ADCY2: variants seen among roughly 807,000 people sequenced by gnomAD.
The protein encoded by ADCY2 is adenylate cyclase type 2.
ADCY2 carries 31 observed loss-of-function variants against 125.2 expected under a neutral mutation model. The ratio of observed to expected loss-of-function variants is 0.25; its 90% CI spans 0.19 to 0.33. The LOEUF is 0.33. Among genes scored for constraint, ADCY2 ranks in the 10% least tolerant of loss-of-function variants. ADCY2 has a pLI of 1.00. For missense variants in ADCY2, 904 were observed against 1,418.2 expected, an observed-to-expected ratio of 0.64 and a Z score of 5.82; for synonymous variants, 512 against 548.4, an observed-to-expected ratio of 0.93 and a Z score of 0.93.
intron 3 of ADCY2, among the ~76,000 whole-genome samples, chr5:7,540,200 G>A (rs1734949822): frequency 6.6e-6 from 1 of 152,084 alleles, no homozygotes; most frequent in Non-Finnish European, 1.5e-5. Context: ...TTGAGAGGAA[G>A]GAGAGGATCA....
intron 2 of ADCY2, among the ~76,000 whole-genome samples, chr5:7,486,516 C>T (rs1411572602): frequency 6.6e-6 from 1 of 152,174 alleles, no homozygotes; most frequent in African/African-American, 2.4e-5. Context: ...GCAACACCCG[C>T]TCTTTGCAGT....
intron 2 of ADCY2, among the ~76,000 whole-genome samples, chr5:7,464,915 T>C (rs1742047349): frequency 6.6e-6 from 1 of 152,190 alleles, no homozygotes; most frequent in South Asian, 2.1e-4. Flanking sequence ...TGGGTAATTT[T>C]TAATGGACCC....
chr5:7,797,051 G>C (rs1383960042), intron 20 of ADCY2: 3 of 152,230 alleles, frequency 2.0e-5, no homozygotes, highest in African/African-American at 7.2e-5. Flanking sequence ...CTTTCTGCTG[G>C]TGAGAACCCT....
chr5:7,817,030 A>T (rs1420557159), intron 23 of ADCY2, 50 bp downstream of exon 23: 2 of 1,396,596 alleles, frequency 1.4e-6, no homozygotes. Flanking sequence ...AAGATGTGGA[A>T]TAAGGAGTAA....
At chr5:7,580,081 A>C (rs753259793) in intron 3 of ADCY2, among the ~76,000 whole-genome samples, 50 of 152,164 alleles carry the variant, frequency 3.3e-4, no homozygotes, top group Non-Finnish European at 6.3e-4. Context: ...CATTGAATAA[A>C]GACCCTAGGA....
intron 3 of ADCY2, among the ~76,000 whole-genome samples, chr5:7,536,928 G>A (rs558939641): frequency 3.9e-5 from 6 of 152,194 alleles, no homozygotes; most frequent in African/African-American, 9.6e-5. Flanking sequence ...AAGGTTTCAC[G>A]TTGATCTAAC....
chr5:7,646,963 G>A (rs1235794967), intron 4 of ADCY2, among the ~76,000 whole-genome samples: 6 of 152,188 alleles, frequency 3.9e-5, no homozygotes, highest in Middle Eastern at 3.4e-3. Context: ...GCCTGCGTTC[G>A]CTGCCCCATG....
chr5:7,438,421 G>A (rs1206300659), intron 2 of ADCY2, among the ~76,000 whole-genome samples: 1 of 152,228 alleles, frequency 6.6e-6, no homozygotes, highest in East Asian at 1.9e-4. Context: ...AGAAGATGGA[G>A]AGTATTGTGG....
chr5:7,559,415 G>T (rs1464534073), intron 3 of ADCY2, among the ~76,000 whole-genome samples: 4 of 152,044 alleles, frequency 2.6e-5, no homozygotes, highest in African/African-American at 4.8e-5. Context: ...GTATTCCTAG[G>T]TATTTTATAC....
chr5:7,720,900 G>C (rs550036580), intron 12 of ADCY2, among the ~76,000 whole-genome samples: 1 of 152,182 alleles, frequency 6.6e-6, no homozygotes, highest in Admixed American at 6.5e-5. Flanking sequence ...ATAATCCTTT[G>C]GGTATATACC....
intron 12 of ADCY2, among the ~76,000 whole-genome samples, chr5:7,723,967 A>G (rs895637835): frequency 2.7e-5 from 4 of 147,860 alleles, no homozygotes; most frequent in Non-Finnish European, 4.5e-5. Flanking sequence ...AACTTTATTC[A>G]AGCATGACTT....
chr5:7,411,359 G>A (rs116357578), intron 1 of ADCY2, among the ~76,000 whole-genome samples: 81 of 152,256 alleles, frequency 5.3e-4, no homozygotes, highest in Middle Eastern at 6.8e-3. Context: ...GAACCCACCT[G>A]CTAACGTCAC....
At chr5:7,460,265 G>C (rs1196062575) in intron 2 of ADCY2, among the ~76,000 whole-genome samples, 2 of 151,730 alleles carry the variant, frequency 1.3e-5, no homozygotes, top group Non-Finnish European at 2.9e-5. Flanking sequence ...ATCTTGCCCT[G>C]TTGCCCAGGC....
At chr5:7,820,997 G>T (rs78216885) in intron 24 of ADCY2, among the ~76,000 whole-genome samples, 3,694 of 152,240 alleles carry the variant, frequency 0.024, 127 homozygotes, top group African/African-American at 0.074. Flanking sequence ...TACTTCTCCT[G>T]GTGCTAATAC....
chr5:7,544,323 A>G (rs1290381213), intron 3 of ADCY2, among the ~76,000 whole-genome samples: 1 of 152,194 alleles, frequency 6.6e-6, no homozygotes, highest in Non-Finnish European at 1.5e-5. Context: ...ATACAAAGCC[A>G]GTTTCATTGG....
At chr5:7,489,864 C>A (rs985481051) in intron 2 of ADCY2, among the ~76,000 whole-genome samples, 2 of 152,144 alleles carry the variant, frequency 1.3e-5, no homozygotes, top group Admixed American at 6.5e-5. Context: ...CCCAGGTTAG[C>A]AGACCTGAGC....
chr5:7,466,641 C>T lies in ADCY2; in HGVS notation c.408+51871C>T, dbSNP rs368376982. Among the ~76,000 whole-genome samples, 17 of 152,348 alleles carry T rather than the reference C, an allele frequency of 1.1e-4. No homozygotes were observed. The South Asian group carries it at 2.3e-3, about 20-fold the overall frequency. On this transcript the variant is annotated intron_variant, in intron 2 of 24. Coordinates refer to ENST00000338316, the MANE Select transcript of ADCY2 (RefSeq NM_020546.3). ...CACAGTCCCCCTAGGAAGCCACAGACTGGCTGCTAGAGCCCATCATTTAAG... is the reference window on the plus strand; with the variant it reads ...CACAGTCCCCCTAGGAAGCCACAGATTGGCTGCTAGAGCCCATCATTTAAG...
At chr5:7,735,284 T>A (rs1742215995) in intron 14 of ADCY2, among the ~76,000 whole-genome samples, 2 of 152,160 alleles carry the variant, frequency 1.3e-5, no homozygotes, top group Non-Finnish European at 2.9e-5. Flanking sequence ...ATTAAGATAG[T>A]TTTACTTCTT....
rs960717506 is a variant in ADCY2 at position 7,827,143 on chromosome 5, G to A, written c.*272G>A. On this transcript the variant is annotated 3_prime_UTR_variant, in exon 25 of 25. Transcript: ENST00000338316. ...CTGGGAGAACTAACAGAGGAGAAAGGTGAAACACACACACATTCTTAAGGC... is the reference window on the plus strand; with the variant it reads ...CTGGGAGAACTAACAGAGGAGAAAGATGAAACACACACACATTCTTAAGGC... 2.1e-5 allele frequency: 8 copies of A among 382,066 alleles called. No individual in the cohort carries two copies. The highest frequency in any genetic ancestry group is 3.8e-5 in the Non-Finnish European group (8 of 213,300). 23.7% of individuals were successfully genotyped at this position (382,066 alleles called of 1,614,324 possible).
Sources: allele counts gnomAD v4.1 joint callset (sites outside exome capture counted in the v4.1 genomes callset), GRCh38; gene constraint gnomAD v4.1.1; transcripts MANE v1.5; gene names NCBI Gene and HGNC (gene_info 2026-07-23, HGNC 2026-07-21).